FAM222A: variants seen among roughly 807,000 people sequenced by gnomAD.
FAM222A encodes the protein family with sequence similarity 222 member A.
A neutral mutation model predicts 25.8 loss-of-function variants in FAM222A; 7 were observed. The ratio of observed to expected loss-of-function variants is 0.27; its 90% CI spans 0.15 to 0.51. FAM222A has a LOEUF of 0.51. Among genes scored for constraint, FAM222A ranks in the 20% least tolerant of loss-of-function variants. FAM222A has a pLI of 0.97. For synonymous variants in FAM222A, 294 were observed against 298.8 expected (o/e 0.98, Z 0.17); for missense variants, 573 against 640.5 (o/e 0.89, Z 1.14).
At chr12:109,729,408 C>T (rs1887901003) in intron 1 of FAM222A, among the ~76,000 whole-genome samples, 1 of 152,164 alleles carries the variant, frequency 6.6e-6, no homozygotes, top group Non-Finnish European at 1.5e-5. Context: ...CAGCAAGAGC[C>T]CCCGGAACCC....
chr12:109,721,930 A>T (rs1304115399), intron 1 of FAM222A, among the ~76,000 whole-genome samples: 1 of 152,120 alleles, frequency 6.6e-6, no homozygotes, highest in Non-Finnish European at 1.5e-5. Context: ...GAGATGAGGG[A>T]ACTGAGGCTT....
At chr12:109,759,977 G>A (rs138231729) in intron 2 of FAM222A, among the ~76,000 whole-genome samples, 8 of 152,274 alleles carry the variant, frequency 5.3e-5, no homozygotes, top group East Asian at 3.9e-4. Flanking sequence ...ACGAGGGCAC[G>A]TCAGGGGCTG....
chr12:109,717,964 G>C (rs890636645), intron 1 of FAM222A, among the ~76,000 whole-genome samples: 1 of 152,196 alleles, frequency 6.6e-6, no homozygotes, highest in African/African-American at 2.4e-5. Flanking sequence ...CTCTGGCGTG[G>C]GTTGGGCCTG....
chr12:109,745,019 ATATT>A lies in FAM222A; in HGVS notation c.82+793_82+796del, dbSNP rs1436459116. 2.6e-5 allele frequency among the ~76,000 whole-genome samples: 4 copies of A among 152,134 alleles called. No individual in the cohort carries two copies. The East Asian group carries it at 5.8e-4, about 22-fold the overall frequency. On this transcript the variant is annotated intron_variant, in intron 2 of 2. Transcript: ENST00000538780. ...TTAGCATGATGCTTACAATGTGAAA[ATATT>A]TTTTTTCTTTTAAATATTTATCTTT...
chr12:109,723,894 T>G (rs1887795308), intron 1 of FAM222A, among the ~76,000 whole-genome samples: 1 of 152,152 alleles, frequency 6.6e-6, no homozygotes, highest in African/African-American at 2.4e-5. Context: ...AAACAGTTTT[T>G]ACGGATCATG....
At chr12:109,728,855 C>T (rs1450768196) in intron 1 of FAM222A, among the ~76,000 whole-genome samples, 3 of 152,162 alleles carry the variant, frequency 2.0e-5, no homozygotes, top group South Asian at 2.1e-4. Flanking sequence ...AAGTGCGGGA[C>T]GCCCACAGAG....
At chr12:109,734,401 A>C (rs1401156028) in intron 1 of FAM222A, 2 of 151,860 alleles carry the variant, frequency 1.3e-5, no homozygotes, top group Non-Finnish European at 2.9e-5. Context: ...AATTGGCTCC[A>C]CCGGATCCGG....
chr12:109,717,739 C>T (rs1887670898), intron 1 of FAM222A, among the ~76,000 whole-genome samples: 1 of 152,204 alleles, frequency 6.6e-6, no homozygotes, highest in Non-Finnish European at 1.5e-5. Flanking sequence ...AAGTGGCCAC[C>T]TCGGTTCTGG....
intron 1 of FAM222A, among the ~76,000 whole-genome samples, chr12:109,720,366 A>G (rs1042451166): frequency 3.3e-5 from 5 of 152,208 alleles, no homozygotes; most frequent in Admixed American, 2.6e-4. Flanking sequence ...AGGGAGGTCC[A>G]GCCACCAGCT....
rs573612907 is a variant in FAM222A at position 109,768,674 on chromosome 12, G to A, written c.745G>A (p.Gly249Ser). ...CAGCATGGCCTACTCGGCTGCAGCC[G>A]GTCTGCCCGACTGCCGGAAAGGCAC... ...FPSMAYSAAA[G>S]LPDCRKGTEL... The change falls in exon 3 of 3, where the codon GGT becomes AGT. Residue 249 changes from glycine (G) to serine (S), a missense_variant. By Grantham distance (56) the Gly-to-Ser change is moderately conservative (BLOSUM62 0). Transcript: ENST00000538780. 1,051 of 1,593,982 alleles carry A rather than the reference G, an allele frequency of 6.6e-4. 18 individuals carry two copies. The South Asian group carries it at 0.01, about 16-fold the overall frequency.
intron 1 of FAM222A, among the ~76,000 whole-genome samples, chr12:109,738,571 G>A (rs977558047): frequency 2.6e-5 from 4 of 152,204 alleles, no homozygotes; most frequent in African/African-American, 9.6e-5. Flanking sequence ...CTGAGGAGTG[G>A]CCAGCATCTC....
chr12:109,730,912 T>C (rs1444710311), intron 1 of FAM222A, among the ~76,000 whole-genome samples: 2 of 152,152 alleles, frequency 1.3e-5, no homozygotes, highest in Admixed American at 1.3e-4. Flanking sequence ...AGCCCATCAC[T>C]GTCATCTCCT....
chr12:109,716,686 A>G (rs1887653079), intron 1 of FAM222A, among the ~76,000 whole-genome samples: 1 of 152,172 alleles, frequency 6.6e-6, no homozygotes, highest in South Asian at 2.1e-4. Flanking sequence ...GAGATTCACA[A>G]ACACAGGCAG....
At position 109,744,135 on chromosome 12, in the gene FAM222A, C is replaced by T. The variant is rs757761721; in HGVS notation, c.-12C>T. ...CGCAGAGCGCACCCCACTGGGGACC[C>T]CCAGCTCAGCCATGCTGGCCTGTCT... On this transcript the variant is annotated 5_prime_UTR_variant, in exon 2 of 3. Transcript: ENST00000538780. 1.2e-6 allele frequency: 2 copies of T among 1,612,088 alleles called. No homozygotes were observed. Among genetic ancestry groups the T allele is most frequent in the South Asian group, 2.2e-5 (2 of 91,008 alleles).
intron 2 of FAM222A, among the ~76,000 whole-genome samples, chr12:109,751,216 A>ATT (rs141182345): frequency 3.6e-4 from 53 of 148,362 alleles, no homozygotes; most frequent in African/African-American, 8.5e-4. Context: ...GGACAGTATG[A>ATT]TTTTTTTTTC....
intron 2 of FAM222A, among the ~76,000 whole-genome samples, chr12:109,762,081 A>G (rs1888914529): frequency 6.6e-6 from 1 of 152,128 alleles, no homozygotes; most frequent in African/African-American, 2.4e-5. Context: ...CCAAAGCCAC[A>G]TTATCAGAGG....
At chr12:109,717,227 A>G (rs1156869685) in intron 1 of FAM222A, among the ~76,000 whole-genome samples, 1 of 152,088 alleles carries the variant, frequency 6.6e-6, no homozygotes, top group Non-Finnish European at 1.5e-5. Flanking sequence ...TAGATTAACA[A>G]CTTCCGCCCG....
rs1888328010 is a variant in FAM222A at position 109,744,243 on chromosome 12, T to C, written c.82+15T>C. On this transcript the variant is annotated intron_variant, in intron 2 of 2. Transcript: ENST00000538780. Reference sequence around the variant, plus strand: ...GCTGCGCAAGTGTGAGTAGGACGCCTCCCCAGCCTTTGCAGGGCAGGTCGT... The same window carrying C: ...GCTGCGCAAGTGTGAGTAGGACGCCCCCCCAGCCTTTGCAGGGCAGGTCGT... 10 of 1,609,406 alleles carry C rather than the reference T, an allele frequency of 6.2e-6. No individual in the cohort carries two copies. In the East Asian group the frequency reaches 2.0e-4, roughly 32 times the overall value.
intron 1 of FAM222A, among the ~76,000 whole-genome samples, chr12:109,742,330 C>G (rs1888266149): frequency 6.6e-6 from 1 of 152,216 alleles, no homozygotes; most frequent in South Asian, 2.1e-4. Flanking sequence ...CAGGCCTGCT[C>G]CCGCCACCTG....
Sources: gnomAD v4.1 joint callset for allele counts (sites outside exome capture counted in the v4.1 genomes callset) on GRCh38, gnomAD v4.1.1 for gene constraint, MANE v1.5 for transcripts, NCBI Gene and HGNC (gene_info 2026-07-23, HGNC 2026-07-21) for gene names.